The following RNGTT variants were observed in gnomAD, a reference collection of about 807,000 sequenced individuals.
RNGTT encodes the protein RNA guanylyltransferase and 5'-phosphatase.
A neutral mutation model predicts 79.3 loss-of-function variants in RNGTT; 33 were observed. The observed-to-expected ratio is 0.42, with a 90% confidence interval of 0.32 to 0.56. The LOEUF (loss-of-function observed/expected upper bound fraction) is 0.56. RNGTT is among the 20% of genes least tolerant of loss of function. The probability of loss-of-function intolerance (pLI) is 0.17; values close to 1 mark genes in which losing one functional copy is unlikely to be tolerated. For synonymous variants in RNGTT, 222 were observed against 235.9 expected, an observed-to-expected ratio of 0.94 and a Z score of 0.54; for missense variants, 497 against 739.1, an observed-to-expected ratio of 0.67 and a Z score of 3.80.
At chr6:88,860,834 A>G (rs1781991891) in intron 8 of RNGTT, among the ~76,000 whole-genome samples, 1 of 149,810 alleles carries the variant, frequency 6.7e-6, no homozygotes, top group Admixed American at 6.6e-5. Context: ...TAAAAAAAAA[A>G]AAAACATGTT....
At chr6:88,703,828 T>C (rs945209873) in intron 13 of RNGTT, among the ~76,000 whole-genome samples, 3 of 152,194 alleles carry the variant, frequency 2.0e-5, no homozygotes, top group African/African-American at 7.2e-5. Context: ...ATGTAGATTA[T>C]TAGGTACCTT....
chr6:88,936,586 G>C (rs998037717), intron 2 of RNGTT, among the ~76,000 whole-genome samples: 1 of 152,090 alleles, frequency 6.6e-6, no homozygotes, highest in Non-Finnish European at 1.5e-5. Flanking sequence ...TATCATGAAG[G>C]GATGTTGATT....
chr6:88,776,076 T>C (rs1343038923), intron 12 of RNGTT, among the ~76,000 whole-genome samples: 1 of 152,162 alleles, frequency 6.6e-6, no homozygotes, highest in African/African-American at 2.4e-5. Flanking sequence ...CTGAGTCATA[T>C]ATTAGTTTTG....
At chr6:88,957,130 A>G (rs1000347677) in intron 1 of RNGTT, among the ~76,000 whole-genome samples, 3 of 152,228 alleles carry the variant, frequency 2.0e-5, no homozygotes. Flanking sequence ...CAGAAAAAGT[A>G]TTTGACAAAA....
chr6:88,921,401 G>A (rs1220837117), intron 4 of RNGTT, among the ~76,000 whole-genome samples: 1 of 152,042 alleles, frequency 6.6e-6, no homozygotes, highest in Non-Finnish European at 1.5e-5. Flanking sequence ...TCAGTTATCA[G>A]TTGATAATTG....
chr6:88,740,449 G>A (rs1448505016), intron 13 of RNGTT, among the ~76,000 whole-genome samples: 5 of 152,018 alleles, frequency 3.3e-5, no homozygotes, highest in African/African-American at 1.2e-4. Flanking sequence ...AGTCTGGGAG[G>A]TCAAGGCTGC....
At chr6:88,919,707 CTTTTTTTTTTTTTT>C (rs5878082) in intron 4 of RNGTT, among the ~76,000 whole-genome samples, 1 of 58,480 alleles carries the variant, frequency 1.7e-5, no homozygotes, top group Non-Finnish European at 3.1e-5. Context: ...GTCAGTAGTT[CTTTTTTTTTTTTTT>C]TTTTTTTTTT....
At chr6:88,887,744 CAA>C (rs1782914841) in intron 8 of RNGTT, among the ~76,000 whole-genome samples, 2 of 152,086 alleles carry the variant, frequency 1.3e-5, no homozygotes, top group Non-Finnish European at 2.9e-5. Flanking sequence ...ATGGCAGAAA[CAA>C]GAGACAAATT....
At chr6:88,849,567 A>C (rs1041220702) in intron 10 of RNGTT, among the ~76,000 whole-genome samples, 188 bp downstream of exon 10, 1 of 151,964 alleles carries the variant, frequency 6.6e-6, no homozygotes, top group Admixed American at 6.6e-5. Context: ...AAAACAAAGA[A>C]ATGTGTGAAA....
intron 13 of RNGTT, among the ~76,000 whole-genome samples, chr6:88,735,512 G>GA (rs1375743946): frequency 6.9e-6 from 1 of 144,976 alleles, no homozygotes; most frequent in East Asian, 2.0e-4. Context: ...AAAGACGCTG[G>GA]AAAATCCCAG....
At chr6:88,842,292 G>A (rs956006371) in intron 11 of RNGTT, among the ~76,000 whole-genome samples, 71 of 151,896 alleles carry the variant, frequency 4.7e-4, no homozygotes, top group African/African-American at 1.6e-3. Context: ...AAAGTCTTAG[G>A]AAATAGTCAA....
rs1185607443 is a variant in RNGTT at position 88,919,674 on chromosome 6, A to G, written c.367+9311T>C. ...TAAATTTTTTAATGCTAAAAATCCT[A>G]ATTATTTGATCAGTCTAATTAGGTC... On this transcript the variant is annotated intron_variant, in intron 4 of 15. Coordinates refer to ENST00000369485, the MANE Select transcript of RNGTT (RefSeq NM_003800.5). Among the ~76,000 whole-genome samples the G allele has an allele frequency of 4.8e-5, 7 of 144,410 alleles. No individual in the cohort carries two copies. In the East Asian group the frequency reaches 1.4e-3, roughly 29 times the overall value. 94.7% of individuals were successfully genotyped at this position (144,410 alleles called of 152,430 possible).
At chr6:88,786,906 C>A (rs1779245896) in intron 12 of RNGTT, among the ~76,000 whole-genome samples, 1 of 152,128 alleles carries the variant, frequency 6.6e-6, no homozygotes, top group African/African-American at 2.4e-5. Flanking sequence ...ATGAATGAGA[C>A]TCCTACCCTT....
chr6:88,691,817 G>C (rs1775492793), intron 13 of RNGTT, among the ~76,000 whole-genome samples: 1 of 152,096 alleles, frequency 6.6e-6, no homozygotes, highest in Non-Finnish European at 1.5e-5. Context: ...CAATCAGTAA[G>C]AGAGACAGAT....
chr6:88,640,912 C>G (rs1039612813), intron 14 of RNGTT, among the ~76,000 whole-genome samples: 4 of 152,124 alleles, frequency 2.6e-5, no homozygotes, highest in Non-Finnish European at 5.9e-5. Context: ...TAAGAGATTC[C>G]TCTGCATAGT....
At chr6:88,840,832 A>G (rs916190927) in intron 11 of RNGTT, among the ~76,000 whole-genome samples, 5 of 152,246 alleles carry the variant, frequency 3.3e-5, no homozygotes, top group Non-Finnish European at 5.9e-5. Flanking sequence ...AATTGTTTCA[A>G]ATCCCTAAAA....
At chr6:88,849,896 G>A in intron 9 of RNGTT, 70 bp from the exon 10 acceptor site, 2 of 1,386,132 alleles carry the variant, frequency 1.4e-6, no homozygotes, top group Non-Finnish European at 9.6e-7. Context: ...ATTGAAATAT[G>A]GCATACACAC....
intron 4 of RNGTT, among the ~76,000 whole-genome samples, chr6:88,928,537 T>C (rs1488520527): frequency 1.3e-5 from 2 of 152,154 alleles, no homozygotes; most frequent in Admixed American, 6.6e-5. Context: ...AAAAATCTGA[T>C]GAAGGAATTG....
chr6:88,736,771 A>G (rs751392157), intron 13 of RNGTT, among the ~76,000 whole-genome samples: 39 of 152,222 alleles, frequency 2.6e-4, no homozygotes, highest in Non-Finnish European at 4.7e-4. Flanking sequence ...TGAACTGTAA[A>G]GGACTGAATG....
Sources: gnomAD v4.1 joint callset for allele counts (sites outside exome capture counted in the v4.1 genomes callset) on GRCh38, gnomAD v4.1.1 for gene constraint, MANE v1.5 for transcripts, NCBI Gene and HGNC (gene_info 2026-07-23, HGNC 2026-07-21) for gene names.